The following AKAP19 variants were observed in gnomAD, a reference collection of about 807,000 sequenced individuals.
AKAP19 encodes the protein small A-kinase anchoring protein.
chr2:190,186,311 A>G, the AKAP19 span, among the ~76,000 whole-genome samples: 5 of 152,132 alleles, frequency 3.3e-5, no homozygotes, highest in East Asian at 7.7e-4. The surrounding 1 kb of genome is among the most constrained non-coding windows in gnomAD (Gnocchi z 5.5). Context: ...ATCATACCAT[A>G]CCGCTTTATT....
chr2:190,181,183 T>G, the AKAP19 span: 1 of 979,598 alleles, frequency 1.0e-6, no homozygotes, highest in South Asian at 4.7e-5. Flanking sequence ...CAGCTGTGCC[T>G]TTTAGATTTT....
the AKAP19 span, among the ~76,000 whole-genome samples, chr2:190,141,371 T>C: frequency 1.3e-5 from 2 of 152,302 alleles, no homozygotes; most frequent in Non-Finnish European, 2.9e-5. Flanking sequence ...ATTAGTCTCT[T>C]CTCACACTGC....
the AKAP19 span, chr2:190,201,451 A>C: frequency 6.0e-6 from 1 of 167,042 alleles, no homozygotes; most frequent in African/African-American, 2.4e-5. Flanking sequence ...GAAATTATTT[A>C]AGCCTGTGTA....
chr2:190,159,374 T>C, the AKAP19 span, among the ~76,000 whole-genome samples: 54 of 152,192 alleles, frequency 3.5e-4, no homozygotes, highest in Non-Finnish European at 6.6e-4. Flanking sequence ...GTCTATATAA[T>C]CACTTACAAT....
the AKAP19 span, among the ~76,000 whole-genome samples, chr2:190,044,383 G>A: frequency 1.3e-5 from 2 of 152,162 alleles, no homozygotes; most frequent in African/African-American, 4.8e-5. Context: ...TTACTGCCTG[G>A]TGATGAGCAG....
the AKAP19 span, among the ~76,000 whole-genome samples, chr2:189,919,451 A>G: frequency 1.3e-5 from 2 of 151,470 alleles, no homozygotes; most frequent in Non-Finnish European, 2.9e-5. Context: ...AACAGGATAC[A>G]TGTGCAGAAC....
the AKAP19 span, among the ~76,000 whole-genome samples, chr2:189,992,043 T>G: frequency 8.4e-6 from 1 of 118,544 alleles, no homozygotes; most frequent in Non-Finnish European, 1.7e-5. Flanking sequence ...ACTCACCTAT[T>G]AAATAGATTT....
the AKAP19 span, among the ~76,000 whole-genome samples, chr2:189,985,545 G>T: frequency 1.9e-3 from 296 of 152,254 alleles, 2 homozygotes; most frequent in African/African-American, 6.5e-3. Flanking sequence ...CCTGAGAGTG[G>T]CCTCTAAGAG....
chr2:190,024,395 T>C, the AKAP19 span, among the ~76,000 whole-genome samples: 242 of 146,032 alleles, frequency 1.7e-3, 4 homozygotes, highest in East Asian at 0.022. Flanking sequence ...TATATATATA[T>C]ACATATATAT....
At chr2:189,968,773 T>C in the AKAP19 span, among the ~76,000 whole-genome samples, 1 of 152,172 alleles carries the variant, frequency 6.6e-6, no homozygotes, top group Non-Finnish European at 1.5e-5. Context: ...AAGGTTTCTA[T>C]CTAATTTTTA....
chr2:190,124,942 C>A, the AKAP19 span, among the ~76,000 whole-genome samples: 1 of 152,038 alleles, frequency 6.6e-6, no homozygotes, highest in African/African-American at 2.4e-5. Flanking sequence ...CCTAGGCCTA[C>A]ACAGGGTCAG....
the AKAP19 span, among the ~76,000 whole-genome samples, chr2:189,953,649 A>AAAAC: frequency 6.9e-6 from 1 of 144,192 alleles, no homozygotes; most frequent in Admixed American, 7.0e-5. Context: ...AAAAAAAAAA[A>AAAAC]AAAAAAAAAA....
the AKAP19 span, among the ~76,000 whole-genome samples, chr2:190,127,213 C>T: frequency 6.9e-6 from 1 of 145,140 alleles, no homozygotes; most frequent in African/African-American, 2.6e-5. Context: ...AAAAATAAGA[C>T]ATCTGGAACT....
chr2:190,161,338 A>G, the AKAP19 span, among the ~76,000 whole-genome samples: 1 of 152,166 alleles, frequency 6.6e-6, no homozygotes, highest in Non-Finnish European at 1.5e-5. Flanking sequence ...AATGTAGTTT[A>G]TACCAGCTTT....
chr2:190,133,548 G>A, the AKAP19 span, among the ~76,000 whole-genome samples: 4 of 152,186 alleles, frequency 2.6e-5, no homozygotes, highest in African/African-American at 9.7e-5. Context: ...GCAAAGGAAA[G>A]TATGTTGGTG....
the AKAP19 span, among the ~76,000 whole-genome samples, chr2:190,069,171 T>TGAGA: frequency 2.3e-4 from 30 of 129,278 alleles, no homozygotes; most frequent in African/African-American, 9.7e-4. Context: ...TGTGTGTGTG[T>TGAGA]GTGTGAGAGA....
chr2:189,949,298 AAT>A, the AKAP19 span, among the ~76,000 whole-genome samples: 3 of 152,136 alleles, frequency 2.0e-5, no homozygotes, highest in Non-Finnish European at 4.4e-5. Flanking sequence ...TCACACCTGT[AAT>A]CCCAGCACTT....
chr2:190,045,227 G>A, the AKAP19 span, among the ~76,000 whole-genome samples: 2 of 152,128 alleles, frequency 1.3e-5, no homozygotes, highest in African/African-American at 2.4e-5. Flanking sequence ...TAAAGAAACA[G>A]TCTGGCCACA....
the AKAP19 span, among the ~76,000 whole-genome samples, chr2:190,083,341 C>T: frequency 2.1e-5 from 3 of 143,224 alleles, no homozygotes; most frequent in African/African-American, 7.7e-5. Context: ...GTGCTACTCT[C>T]CAAGCTGGGC....
Sources: gnomAD v4.1 joint callset for allele counts (sites outside exome capture counted in the v4.1 genomes callset) on GRCh38, gnomAD v4.1.1 for gene constraint, Gnocchi (gnomAD v3.1) non-coding constraint, MANE v1.5 for transcripts, NCBI Gene and HGNC (gene_info 2026-07-23, HGNC 2026-07-21) for gene names.